Variants in SGPP2 observed in about 807,000 individuals in gnomAD.
SGPP2 encodes sphingosine 1-phosphate phosphohydrolase 2.
SGPP2 carries 30 observed loss-of-function variants against 33.9 expected under a neutral mutation model. That is an observed-to-expected ratio of 0.89 (90% CI 0.66 to 1.20). The LOEUF is 1.20. Among genes scored for constraint, SGPP2 ranks in the 50% most tolerant of loss-of-function variants. SGPP2 has a pLI of 0.00. For missense variants in SGPP2, 458 were observed against 532.1 expected (o/e 0.86, Z 1.37); for synonymous variants, 233 against 225.0 (o/e 1.04, Z -0.32).
At chr2:222,472,929 G>A (rs1034154889) in intron 1 of SGPP2, among the ~76,000 whole-genome samples, 6 of 152,214 alleles carry the variant, frequency 3.9e-5, no homozygotes, top group East Asian at 1.9e-4. Context: ...CAGGAGAATC[G>A]CTTGAACCTG....
At chr2:222,537,090 A>G (rs184754927) in intron 4 of SGPP2, among the ~76,000 whole-genome samples, 2 of 152,340 alleles carry the variant, frequency 1.3e-5, no homozygotes, top group Admixed American at 6.5e-5. Flanking sequence ...AACAAATCCA[A>G]TGTGTCAGGG....
chr2:222,552,224 C>A (rs1311281766), intron 4 of SGPP2, among the ~76,000 whole-genome samples: 1 of 151,964 alleles, frequency 6.6e-6, no homozygotes, highest in Admixed American at 6.6e-5. Context: ...GGGTGGATAC[C>A]CAGTAGTGGG....
chr2:222,524,385 C>T (rs1698727020), intron 3 of SGPP2, among the ~76,000 whole-genome samples: 1 of 152,168 alleles, frequency 6.6e-6, no homozygotes, highest in Non-Finnish European at 1.5e-5. Flanking sequence ...AGCCAGATTC[C>T]TCTAGCCACT....
chr2:222,453,701 T>C (rs1378365535), intron 1 of SGPP2, among the ~76,000 whole-genome samples: 1 of 152,256 alleles, frequency 6.6e-6, no homozygotes, highest in Non-Finnish European at 1.5e-5. Flanking sequence ...CAGTATATAA[T>C]GCATAGAACA....
chr2:222,451,565 C>T (rs1486120745), intron 1 of SGPP2, among the ~76,000 whole-genome samples: 2 of 152,224 alleles, frequency 1.3e-5, no homozygotes, highest in African/African-American at 2.4e-5. Flanking sequence ...TGGGCTGTGT[C>T]GTGAGGCACA....
At chr2:222,511,112 G>T (rs1698520272) in intron 2 of SGPP2, among the ~76,000 whole-genome samples, 1 of 152,164 alleles carries the variant, frequency 6.6e-6, no homozygotes, top group South Asian at 2.1e-4. Context: ...GTAATAACCA[G>T]AAAGGGCCAC....
rs555301541 is a variant in SGPP2 at position 222,466,327 on chromosome 2, C to T, written c.220-8241C>T. The stretch of plus-strand genomic sequence containing the variant: ...AGGCTGGAGTGCAGTGGCGCAATCT[C>T]GGCTCACTGTAACCTCCACCTCCTG... On this transcript the variant is annotated intron_variant, in intron 1 of 4. Coordinates refer to ENST00000321276, the MANE Select transcript of SGPP2 (RefSeq NM_152386.4). Among the ~76,000 whole-genome samples the T allele has an allele frequency of 1.2e-4, 18 of 144,862 alleles. No homozygotes were observed. The South Asian group carries it at 3.9e-3, about 31-fold the overall frequency.
chr2:222,542,176 T>C (rs938746113), intron 4 of SGPP2, among the ~76,000 whole-genome samples: 2 of 152,210 alleles, frequency 1.3e-5, no homozygotes, highest in Admixed American at 6.5e-5. Flanking sequence ...CAGTATGCTT[T>C]GTTCTGTATC....
chr2:222,500,513 C>T (rs759612326), intron 2 of SGPP2, among the ~76,000 whole-genome samples: 2 of 152,108 alleles, frequency 1.3e-5, no homozygotes, highest in African/African-American at 2.4e-5. Flanking sequence ...TGACGGTCAC[C>T]GTGTTGGCAG....
chr2:222,525,401 C>T (rs912671654), intron 4 of SGPP2, among the ~76,000 whole-genome samples: 2 of 152,152 alleles, frequency 1.3e-5, no homozygotes, highest in African/African-American at 4.8e-5. Context: ...CTTAGGTCCT[C>T]ACAGAGAGGG....
chr2:222,457,189 G>GT lies in SGPP2; in HGVS notation c.220-17369dup, dbSNP rs142633187. Among the ~76,000 whole-genome samples the GT allele has an allele frequency of 7.8e-3, 1,156 of 147,412 alleles. 11 individuals carry two copies. Among genetic ancestry groups the GT allele is most frequent in the African/African-American group, 0.027 (1,085 of 40,412 alleles). On this transcript the variant is annotated intron_variant, in intron 1 of 4. Transcript: ENST00000321276. Reference sequence around the variant, plus strand: ...TGGTTTTTTTAATTGTTCATTTCCTGTTTTTTTTTTAACTACCATGTTTTG... The same window carrying GT: ...TGGTTTTTTTAATTGTTCATTTCCTGTTTTTTTTTTTAACTACCATGTTTTG...
At chr2:222,544,215 A>C (rs561535359) in intron 4 of SGPP2, among the ~76,000 whole-genome samples, 1 of 152,208 alleles carries the variant, frequency 6.6e-6, no homozygotes, top group Non-Finnish European at 1.5e-5. Context: ...AGCTGTTAAA[A>C]GGCTGAACTG....
intron 4 of SGPP2, among the ~76,000 whole-genome samples, chr2:222,527,981 G>A (rs1267633010): frequency 6.6e-6 from 1 of 152,086 alleles, no homozygotes; most frequent in Non-Finnish European, 1.5e-5. Context: ...TACTGAAGGA[G>A]ACAGATGTCT....
intron 2 of SGPP2, among the ~76,000 whole-genome samples, chr2:222,479,930 C>T (rs1014768615): frequency 2.6e-5 from 4 of 152,212 alleles, no homozygotes; most frequent in African/African-American, 9.7e-5. Flanking sequence ...AATTCACTAA[C>T]TTCTCTCCTC....
intron 3 of SGPP2, among the ~76,000 whole-genome samples, chr2:222,524,150 T>G (rs1698724388): frequency 6.6e-6 from 1 of 152,222 alleles, no homozygotes; most frequent in African/African-American, 2.4e-5. Flanking sequence ...GGTTAAGAGC[T>G]TCCTCATTTG....
rs187685171 is a variant in SGPP2 at position 222,515,537 on chromosome 2, C to T, written c.379-6230C>T. 5.2e-3 allele frequency among the ~76,000 whole-genome samples: 788 copies of T among 151,896 alleles called. 6 individuals carry two copies. The highest frequency in any genetic ancestry group is 8.0e-3 in the Non-Finnish European group (545 of 67,960). On this transcript the variant is annotated intron_variant, in intron 2 of 4. Coordinates refer to ENST00000321276, the MANE Select transcript of SGPP2 (RefSeq NM_152386.4). Reference sequence around the variant, plus strand: ...AGAGACGGGGTTTCACCATATTGGTCAGGCTGGTCTCAAACTACCGACCTC... The same window carrying T: ...AGAGACGGGGTTTCACCATATTGGTTAGGCTGGTCTCAAACTACCGACCTC...
chr2:222,442,359 T>A (rs1193380775), intron 1 of SGPP2, among the ~76,000 whole-genome samples: 1 of 152,234 alleles, frequency 6.6e-6, no homozygotes, highest in African/African-American at 2.4e-5. Context: ...GTGACAGTGG[T>A]TGAAGTAAAG....
chr2:222,551,515 CTGTT>C (rs1197672221), intron 4 of SGPP2, among the ~76,000 whole-genome samples: 1 of 151,822 alleles, frequency 6.6e-6, no homozygotes, highest in Non-Finnish European at 1.5e-5. Context: ...TTTTTAGAAA[CTGTT>C]TGGAATAATT....
chr2:222,467,109 G>A (rs570979983), intron 1 of SGPP2, among the ~76,000 whole-genome samples: 1 of 152,288 alleles, frequency 6.6e-6, no homozygotes, highest in African/African-American at 2.4e-5. Flanking sequence ...ACCCTTCACT[G>A]GGGTGTTCTT....
Sources: allele counts gnomAD v4.1 joint callset (sites outside exome capture counted in the v4.1 genomes callset), GRCh38; gene constraint gnomAD v4.1.1; transcripts MANE v1.5; gene names NCBI Gene and HGNC (gene_info 2026-07-23, HGNC 2026-07-21).